DNAJC17: variants seen among roughly 807,000 people sequenced by gnomAD.
DNAJC17 encodes dnaJ homolog subfamily C member 17.
Under a neutral mutation model 48.1 loss-of-function variants are expected in DNAJC17, and 35 were observed. The ratio of observed to expected loss-of-function variants is 0.73; its 90% CI spans 0.56 to 0.96. DNAJC17 has a LOEUF of 0.96. DNAJC17 is among the 50% of genes least tolerant of loss of function. DNAJC17 has a pLI of 0.00. For synonymous variants in DNAJC17, 117 were observed against 142.7 expected, an observed-to-expected ratio of 0.82 and a Z score of 1.28; for missense variants, 355 against 377.1, an observed-to-expected ratio of 0.94 and a Z score of 0.48.
intron 4 of DNAJC17, among the ~76,000 whole-genome samples, chr15:40,778,332 C>T (rs985722282): frequency 2.6e-5 from 4 of 152,250 alleles, no homozygotes; most frequent in Admixed American, 2.0e-4. Context: ...CAGCTCACTG[C>T]AACCTCTGCC....
At chr15:40,783,050 G>A (rs918100004) in intron 1 of DNAJC17, among the ~76,000 whole-genome samples, 2 of 151,856 alleles carry the variant, frequency 1.3e-5, no homozygotes, top group Non-Finnish European at 2.9e-5. Context: ...AGGGAAAGGA[G>A]GTGCTAGCTT....
At chr15:40,793,910 C>T (rs1054331426) in intron 1 of DNAJC17, among the ~76,000 whole-genome samples, 1 of 152,050 alleles carries the variant, frequency 6.6e-6, no homozygotes, top group Non-Finnish European at 1.5e-5. Flanking sequence ...AGTATCCAGG[C>T]AATCTGACTC....
At chr15:40,781,688 G>C (rs570552636) in intron 1 of DNAJC17, among the ~76,000 whole-genome samples, 2 of 152,026 alleles carry the variant, frequency 1.3e-5, no homozygotes, top group African/African-American at 4.8e-5. Context: ...TTGGGAGGCC[G>C]AGACAGGTGG....
chr15:40,779,349 G>A (rs1425636504), intron 3 of DNAJC17, 39 bp from the exon 4 acceptor site: 1 of 1,609,636 alleles, frequency 6.2e-7, no homozygotes, highest in Non-Finnish European at 8.5e-7. Context: ...GGGTCAGTGA[G>A]AGAGTAAAGA....
At chr15:40,801,001 G>A (rs1476351268) in intron 1 of DNAJC17, among the ~76,000 whole-genome samples, 1 of 151,510 alleles carries the variant, frequency 6.6e-6, no homozygotes, top group Non-Finnish European at 1.5e-5. Flanking sequence ...CCCTCAAACT[G>A]TAGTTTGCCC....
At chr15:40,774,840 C>A in intron 8 of DNAJC17, 191 bp downstream of exon 8, 1 of 639,738 alleles carries the variant, frequency 1.6e-6, no homozygotes, top group Non-Finnish European at 2.7e-6. Context: ...GAAGGGGGCA[C>A]ATGGCCACAC....
intron 1 of DNAJC17, among the ~76,000 whole-genome samples, chr15:40,797,323 T>C (rs1377545521): frequency 6.6e-6 from 1 of 152,120 alleles, no homozygotes; most frequent in Non-Finnish European, 1.5e-5. Flanking sequence ...TGAGCTGTGA[T>C]CGCACAATTT....
At chr15:40,795,116 A>C (rs1889913615) in intron 1 of DNAJC17, among the ~76,000 whole-genome samples, 1 of 152,116 alleles carries the variant, frequency 6.6e-6, no homozygotes, top group Admixed American at 6.6e-5. Flanking sequence ...CTGATTAAAA[A>C]ACATAAACTT....
At position 40,803,163 on chromosome 15, in the gene DNAJC17, A is replaced by G. The variant is rs185187157; in HGVS notation, c.78+4206T>C. Among the ~76,000 whole-genome samples the G allele has an allele frequency of 1.4e-3, 206 of 152,138 alleles. 1 individual carries two copies. The East Asian group carries it at 0.027, about 20-fold the overall frequency. On this transcript the variant is annotated intron_variant, in intron 1 of 10. Transcript: ENST00000220496. ...TCCAGAATAAATACAAAAAAAAAAA[A>G]AATCACGCATGATTTTCAGAGGTTC...
chr15:40,806,246 T>C (rs1307887121), intron 1 of DNAJC17, among the ~76,000 whole-genome samples: 1 of 143,658 alleles, frequency 7.0e-6, no homozygotes, highest in African/African-American at 2.7e-5. Flanking sequence ...TTTGAGACAG[T>C]CTCGCTCTGT....
At chr15:40,774,892 C>A in intron 8 of DNAJC17, 139 bp downstream of exon 8, 1 of 842,002 alleles carries the variant, frequency 1.2e-6, no homozygotes, top group South Asian at 1.7e-5. Flanking sequence ...GTCTCTAAGA[C>A]GTCCCATGGT....
intron 1 of DNAJC17, among the ~76,000 whole-genome samples, chr15:40,800,141 C>T (rs1018507642): frequency 6.6e-6 from 1 of 152,076 alleles, no homozygotes; most frequent in Non-Finnish European, 1.5e-5. Context: ...GGCACGATTT[C>T]GGCTCACTGC....
intron 1 of DNAJC17, among the ~76,000 whole-genome samples, chr15:40,783,123 T>G (rs1390486727): frequency 6.6e-6 from 1 of 152,244 alleles, no homozygotes; most frequent in African/African-American, 2.4e-5. Flanking sequence ...ATTCGTCTTT[T>G]CTTTCTTTTG....
intron 1 of DNAJC17, among the ~76,000 whole-genome samples, chr15:40,799,211 C>A (rs553078395): frequency 1.8e-4 from 23 of 129,536 alleles, no homozygotes; most frequent in African/African-American, 7.1e-4. Context: ...AGCGACAGAG[C>A]GAGACTCCAT....
At chr15:40,795,409 G>C (rs1337197162) in intron 1 of DNAJC17, among the ~76,000 whole-genome samples, 2 of 152,150 alleles carry the variant, frequency 1.3e-5, no homozygotes, top group East Asian at 1.9e-4. Context: ...AAACAAACAA[G>C]ATGTGGGGGC....
intron 1 of DNAJC17, among the ~76,000 whole-genome samples, chr15:40,790,523 G>C (rs1338222634): frequency 6.6e-6 from 1 of 152,122 alleles, no homozygotes; most frequent in East Asian, 1.9e-4. Context: ...AGGTTGCAGT[G>C]AGCCAAGATC....
intron 10 of DNAJC17, chr15:40,771,039 G>A (rs1210276314): frequency 2.6e-6 from 4 of 1,548,262 alleles, no homozygotes; most frequent in Non-Finnish European, 2.6e-6. Flanking sequence ...GTGAGGGTGG[G>A]CAAAGCCGGG....
At chr15:40,804,907 CAGG>C (rs1264132641) in intron 1 of DNAJC17, among the ~76,000 whole-genome samples, 1 of 151,914 alleles carries the variant, frequency 6.6e-6, no homozygotes, top group Admixed American at 6.6e-5. Flanking sequence ...GAGGCTGAGG[CAGG>C]AGAATTCCCT....
intron 1 of DNAJC17, among the ~76,000 whole-genome samples, chr15:40,796,149 A>C (rs1388483043): frequency 6.6e-6 from 1 of 152,234 alleles, no homozygotes; most frequent in African/African-American, 2.4e-5. Flanking sequence ...ATAAGAATGC[A>C]TGTTCATCAA....
Sources: allele counts gnomAD v4.1 joint callset (sites outside exome capture counted in the v4.1 genomes callset), GRCh38; gene constraint gnomAD v4.1.1; transcripts MANE v1.5; gene names NCBI Gene and HGNC (gene_info 2026-07-23, HGNC 2026-07-21).